Variants in IGF2BP1 observed in about 807,000 individuals in gnomAD.
IGF2BP1 encodes insulin like growth factor 2 mRNA binding protein 1.
IGF2BP1 carries 11 observed loss-of-function variants against 74.9 expected under a neutral mutation model. The ratio of observed to expected loss-of-function variants is 0.15; its 90% CI spans 0.09 to 0.24. The LOEUF (loss-of-function observed/expected upper bound fraction) is 0.24, where lower values mean the gene tolerates loss of function less well. Among genes scored for constraint, IGF2BP1 ranks in the 10% least tolerant of loss-of-function variants. The pLI is 1.00. For missense variants in IGF2BP1, 440 were observed against 757.4 expected (o/e 0.58, Z 4.92); for synonymous variants, 287 against 281.8 (o/e 1.02, Z -0.18).
At chr17:49,024,839 T>C (rs1338541216) in intron 2 of IGF2BP1, among the ~76,000 whole-genome samples, 1 of 152,224 alleles carries the variant, frequency 6.6e-6, no homozygotes. Context: ...GTCTCCAGCA[T>C]CTGGAACAAA....
At chr17:49,010,479 G>T (rs564299393) in intron 2 of IGF2BP1, among the ~76,000 whole-genome samples, 3 of 151,322 alleles carry the variant, frequency 2.0e-5, no homozygotes, top group East Asian at 3.9e-4. Context: ...CACCACGCCC[G>T]GCTACTTTTT....
At chr17:49,010,968 C>T (rs1415240337) in intron 2 of IGF2BP1, among the ~76,000 whole-genome samples, 1 of 151,344 alleles carries the variant, frequency 6.6e-6, no homozygotes, top group Admixed American at 6.6e-5. Context: ...GAAACCCCGT[C>T]TCTACTAAAA....
At chr17:49,014,294 G>A (rs554898106) in intron 2 of IGF2BP1, among the ~76,000 whole-genome samples, 27 of 108,266 alleles carry the variant, frequency 2.5e-4, no homozygotes, top group African/African-American at 9.0e-4. Context: ...CCCAGTCGCC[G>A]TCCCCCTCTG....
chr17:49,042,459 G>C, intron 9 of IGF2BP1, 82 bp downstream of exon 9: 2 of 1,485,076 alleles, frequency 1.3e-6, no homozygotes, highest in Middle Eastern at 1.7e-4. Context: ...TGATGGACAT[G>C]TGCCCTGTGC....
chr17:49,012,193 C>T (rs1270345837), intron 2 of IGF2BP1, among the ~76,000 whole-genome samples: 1 of 152,192 alleles, frequency 6.6e-6, no homozygotes, highest in African/African-American at 2.4e-5. Flanking sequence ...GCATGAGCCA[C>T]CGTGCCCGGC....
In IGF2BP1 at chr17:49,034,748, AAAAAAAAC is replaced by A. The variant is rs1453253058; in HGVS notation, c.401+2783_401+2790del. ...TAAGACCCTGTCTCAAAAAAAACAC[AAAAAAAAC>A]AAAAAAAACAAAAAAAACGAAAAAC... is the stretch of plus-strand genomic sequence containing the variant. On this transcript the variant is annotated intron_variant, in intron 5 of 14. Coordinates refer to ENST00000290341, the MANE Select transcript of IGF2BP1 (RefSeq NM_006546.4). Among the ~76,000 whole-genome samples, 71 of 83,900 alleles carry A rather than the reference AAAAAAAAC, an allele frequency of 8.5e-4. 1 individual carries two copies. Among genetic ancestry groups the A allele is most frequent in the Middle Eastern group, 5.6e-3 (1 of 178 alleles). 55.0% of individuals were successfully genotyped at this position (83,900 alleles called of 152,430 possible). A position where few individuals can be genotyped will look rare whatever the true frequency, so the allele number is the denominator to read the frequency against.
At chr17:49,019,967 C>T (rs2041768033) in intron 2 of IGF2BP1, among the ~76,000 whole-genome samples, 1 of 91,942 alleles carries the variant, frequency 1.1e-5, no homozygotes, top group Non-Finnish European at 2.1e-5. Flanking sequence ...CACACACACA[C>T]ACACACACAT....
chr17:49,037,930 C>T (rs1177880451), intron 5 of IGF2BP1, among the ~76,000 whole-genome samples: 1 of 152,182 alleles, frequency 6.6e-6, no homozygotes, highest in African/African-American at 2.4e-5. Context: ...CCTTTGTGAA[C>T]AATAAATCCC....
intron 5 of IGF2BP1, 73 bp downstream of exon 5, chr17:49,032,046 A>C: frequency 7.3e-7 from 1 of 1,370,756 alleles, no homozygotes; most frequent in Non-Finnish European, 1.0e-6. Flanking sequence ...GCCTGGTCCC[A>C]CTTTTTCCTC....
At position 49,049,690 on chromosome 17, in the gene IGF2BP1, T is replaced by C; in HGVS notation, c.*246T>C. The C allele has an allele frequency of 2.2e-6, 1 of 461,476 alleles. No homozygotes were observed. 28.6% of individuals were successfully genotyped at this position (461,476 alleles called of 1,614,324 possible). On this transcript the variant is annotated 3_prime_UTR_variant, in exon 15 of 15. Transcript: ENST00000290341. ...TGTCAGAAATTCTAGCGCAAGGCAC[T>C]TTTAAACGTGGATTGTTTAAAGAAG...
At chr17:49,037,470 T>A (rs2042003511) in intron 5 of IGF2BP1, 1 of 262,430 alleles carries the variant, frequency 3.8e-6, no homozygotes, top group South Asian at 8.0e-5. Flanking sequence ...ACTCTAATAT[T>A]CATGGAAGTC....
At chr17:49,032,150 C>T (rs1472126396) in intron 5 of IGF2BP1, among the ~76,000 whole-genome samples, 177 bp downstream of exon 5, 2 of 152,130 alleles carry the variant, frequency 1.3e-5, no homozygotes, top group Non-Finnish European at 2.9e-5. Flanking sequence ...TTCAGGGGGT[C>T]TCCTTCATGT....
intron 5 of IGF2BP1, among the ~76,000 whole-genome samples, chr17:49,033,432 C>T (rs974401700): frequency 2.0e-5 from 3 of 151,998 alleles, no homozygotes; most frequent in Non-Finnish European, 4.4e-5. Flanking sequence ...ACCTTCACCT[C>T]CCAGGTTCAA....
chr17:48,996,953 T>C (rs1039652652), upstream of IGF2BP1, among the ~76,000 whole-genome samples: 11 of 152,174 alleles, frequency 7.2e-5, no homozygotes, highest in South Asian at 2.1e-4. Context: ...GACCCCAGAG[T>C]CTTCGGCTTC....
At chr17:49,025,313 A>AGTGTGTGTGTGTGTGTGT (rs369153046) in intron 2 of IGF2BP1, among the ~76,000 whole-genome samples, 6 of 133,554 alleles carry the variant, frequency 4.5e-5, no homozygotes, top group South Asian at 2.7e-4. Flanking sequence ...GGACAAACAA[A>AGTGTGTGTGTGTGTGTGT]GTGTGTGTGT....
At chr17:49,021,861 G>C (rs1213416151) in intron 2 of IGF2BP1, among the ~76,000 whole-genome samples, 1 of 152,254 alleles carries the variant, frequency 6.6e-6, no homozygotes, top group Non-Finnish European at 1.5e-5. Context: ...AAGTGCTGGA[G>C]CGGGTCCCTG....
intron 4 of IGF2BP1, among the ~76,000 whole-genome samples, chr17:49,028,143 A>T (rs1431514398): frequency 6.6e-6 from 1 of 152,194 alleles, no homozygotes; most frequent in Non-Finnish European, 1.5e-5. Context: ...AGCCTGGGTA[A>T]GCAAGACTCT....
At position 49,041,535 on chromosome 17, in the gene IGF2BP1, G is replaced by T. The variant is rs181865483; in HGVS notation, c.941+35G>T. 231 of 1,612,838 alleles carry T rather than the reference G, an allele frequency of 1.4e-4. No individual in the cohort carries two copies. In the African/African-American group the frequency reaches 2.7e-3, roughly 19 times the overall value. On this transcript the variant is annotated intron_variant, in intron 8 of 14. Transcript: ENST00000290341. ...TCTTCTATTTCCCTGTTTATGAGTG[G>T]GGGATGCATGGGGGCCAGGGTCAGT... is the stretch of plus-strand genomic sequence containing the variant.
intron 2 of IGF2BP1, among the ~76,000 whole-genome samples, chr17:49,024,083 ATTTTT>A (rs765273098): frequency 3.5e-4 from 27 of 78,094 alleles, no homozygotes; most frequent in African/African-American, 1.3e-3. Context: ...CACCCTGCTA[ATTTTT>A]TTTTTTTTTT....
Sources: gnomAD v4.1 joint callset for allele counts (sites outside exome capture counted in the v4.1 genomes callset) on GRCh38, gnomAD v4.1.1 for gene constraint, MANE v1.5 for transcripts, NCBI Gene and HGNC (gene_info 2026-07-23, HGNC 2026-07-21) for gene names.